Variants in CDH11 observed in about 807,000 individuals in gnomAD.
The protein encoded by CDH11 is cadherin-11.
Under a neutral mutation model 67.8 loss-of-function variants are expected in CDH11, and 11 were observed. That is an observed-to-expected ratio of 0.16 (90% CI 0.10 to 0.27). The LOEUF is 0.27. Among genes scored for constraint, CDH11 ranks in the 10% least tolerant of loss-of-function variants. The pLI is 1.00. For synonymous variants in CDH11, 419 were observed against 400.0 expected (o/e 1.05, Z -0.57); for missense variants, 847 against 1,031.2 (o/e 0.82, Z 2.45).
chr16:65,046,719 T>C (rs2073967714), intron 2 of CDH11, among the ~76,000 whole-genome samples: 1 of 152,190 alleles, frequency 6.6e-6, no homozygotes, highest in Admixed American at 6.5e-5. Flanking sequence ...TTGGGCAACT[T>C]TTCTGTAGGT....
intron 7 of CDH11, chr16:64,987,084 G>A (rs2072505982): frequency 6.6e-6 from 1 of 152,174 alleles, no homozygotes; most frequent in Non-Finnish European, 1.5e-5. Context: ...AGTTGAAAAT[G>A]AACGCTTGAT....
intron 2 of CDH11, among the ~76,000 whole-genome samples, chr16:65,012,391 T>C (rs1408411019): frequency 2.6e-5 from 4 of 152,148 alleles, no homozygotes; most frequent in Admixed American, 1.3e-4. Context: ...TCAGATTTCT[T>C]TGGGAACTTC....
At chr16:65,102,564 C>T (rs2142861558) in intron 1 of CDH11, among the ~76,000 whole-genome samples, 1 of 152,334 alleles carries the variant, frequency 6.6e-6, no homozygotes, top group East Asian at 1.9e-4. Context: ...AAGCATGATG[C>T]AAACAGAACC....
At chr16:65,122,885 T>C (rs2075358603), upstream of CDH11, among the ~76,000 whole-genome samples, 1 of 152,172 alleles carries the variant, frequency 6.6e-6, no homozygotes, top group Non-Finnish European at 1.5e-5. Context: ...CAGGTATCAG[T>C]GGCCCCCGCC....
intron 1 of CDH11, among the ~76,000 whole-genome samples, chr16:65,120,849 T>C (rs2075313948): frequency 6.6e-6 from 1 of 152,082 alleles, no homozygotes; most frequent in Non-Finnish European, 1.5e-5. Context: ...CCGACCCCAC[T>C]TTCTCTGGGG....
At chr16:64,954,186 G>A (rs140811003) in intron 11 of CDH11, among the ~76,000 whole-genome samples, 144 of 152,264 alleles carry the variant, frequency 9.5e-4, no homozygotes, top group African/African-American at 3.2e-3. Context: ...AAACCACTAC[G>A]TAAAAGCTCA....
At position 64,947,382 on chromosome 16, in the gene CDH11, G is replaced by T; in HGVS notation, c.*221C>A. ...CCAAGTGTTTTTTTTTTCTAGCGAA[G>T]TTGATAAACAACTTCAATATTTGCC... On this transcript the variant is annotated 3_prime_UTR_variant, in exon 13 of 13. Transcript: ENST00000268603. 1 of 1,285,830 alleles carries T rather than the reference G, an allele frequency of 7.8e-7. No individual in the cohort carries two copies. The highest frequency in any genetic ancestry group is 9.8e-7 in the Non-Finnish European group (1 of 1,016,606). 79.7% of individuals were successfully genotyped at this position (1,285,830 alleles called of 1,614,324 possible).
intron 2 of CDH11, among the ~76,000 whole-genome samples, chr16:65,035,697 G>T (rs995436523): frequency 7.9e-5 from 12 of 152,096 alleles, no homozygotes; most frequent in African/African-American, 2.9e-4. Flanking sequence ...TTTACAAAGG[G>T]CTTTCATGAA....
In CDH11 at chr16:64,947,554, CT is replaced by C; in HGVS notation, c.*48del. The C allele has an allele frequency of 6.4e-7, 1 of 1,550,682 alleles. No individual in the cohort carries two copies. Among genetic ancestry groups the C allele is most frequent in the African/African-American group, 1.4e-5 (1 of 72,474 alleles). ...TACCTGTTTACACATCTTCTAGATT[CT>C]TGAGAACGCCAGACACAGTTCTTAA... is the stretch of plus-strand genomic sequence containing the variant. On this transcript the variant is annotated 3_prime_UTR_variant, in exon 13 of 13. Coordinates refer to ENST00000268603, the MANE Select transcript of CDH11 (RefSeq NM_001797.4).
At chr16:65,112,585 G>A (rs1331163886) in intron 1 of CDH11, among the ~76,000 whole-genome samples, 3 of 152,028 alleles carry the variant, frequency 2.0e-5, no homozygotes, top group African/African-American at 7.2e-5. Context: ...GCCCAACCCA[G>A]GACCTTGCAT....
intron 1 of CDH11, chr16:65,118,880 C>T (rs775812762): frequency 2.0e-5 from 3 of 152,176 alleles, no homozygotes; most frequent in Non-Finnish European, 4.4e-5. Flanking sequence ...TCTCCAACAT[C>T]TACCTACATA....
intron 5 of CDH11, among the ~76,000 whole-genome samples, 198 bp from the exon 6 acceptor site, chr16:64,992,133 T>C (rs1282858551): frequency 3.3e-5 from 5 of 152,236 alleles, no homozygotes; most frequent in Non-Finnish European, 5.9e-5. Flanking sequence ...TAAAAATTAC[T>C]ATACAGCATT....
rs372527203 is a variant in CDH11, at chr16:64,950,807, G to T, written c.1854C>A (p.Gly618=). 9.3e-6 allele frequency: 15 copies of T among 1,614,020 alleles called. No individual in the cohort carries two copies. Among genetic ancestry groups the T allele is most frequent in the African/African-American group, 2.7e-5 (2 of 74,948 alleles). The change falls in exon 12 of 13, where the codon GGC becomes GGA. Residue 618 remains glycine (G), a synonymous_variant. Transcript: ENST00000268603. ...TGCAGGCGAGGATGGCGATCAGGGC[G>T]CCTGTGCTCAGGCCGGCGTTCAGAA... ...AYILNAGLST[G]ALIAILACIV...
intron 1 of CDH11, among the ~76,000 whole-genome samples, chr16:65,113,490 C>T (rs1222888426): frequency 6.6e-6 from 1 of 152,128 alleles, no homozygotes; most frequent in Non-Finnish European, 1.5e-5. Context: ...CTGCATACAT[C>T]TGATTCCTGA....
At chr16:65,065,641 GA>G (rs1289468678) in intron 1 of CDH11, among the ~76,000 whole-genome samples, 11 of 152,138 alleles carry the variant, frequency 7.2e-5, no homozygotes, top group Admixed American at 7.2e-4. Context: ...AAACATAGTG[GA>G]AAGATAATTA....
chr16:65,118,644 T>G (rs980475283), intron 1 of CDH11, among the ~76,000 whole-genome samples: 2 of 152,168 alleles, frequency 1.3e-5, no homozygotes, highest in Admixed American at 6.5e-5. Context: ...TTCAATCCCT[T>G]AAATCATTGG....
intron 8 of CDH11, among the ~76,000 whole-genome samples, chr16:64,980,170 GAAAT>G (rs2072293499): frequency 1.3e-5 from 2 of 151,950 alleles, no homozygotes; most frequent in Admixed American, 1.3e-4. Context: ...ACATCTTCAT[GAAAT>G]ATACTAAAAA....
intron 2 of CDH11, among the ~76,000 whole-genome samples, chr16:65,022,501 C>T (rs908919745): frequency 4.6e-5 from 7 of 152,146 alleles, no homozygotes; most frequent in Non-Finnish European, 4.4e-5. Context: ...ACAAGGATCT[C>T]CACTAAATAG....
At chr16:65,006,930 T>C (rs2073068094) in intron 2 of CDH11, 1 of 152,354 alleles carries the variant, frequency 6.6e-6, no homozygotes, top group Admixed American at 6.5e-5. Context: ...ACGTAAGATA[T>C]GACTTGCTCC....
Sources: gnomAD v4.1 joint callset for allele counts (sites outside exome capture counted in the v4.1 genomes callset) on GRCh38, gnomAD v4.1.1 for gene constraint, MANE v1.5 for transcripts, NCBI Gene and HGNC (gene_info 2026-07-23, HGNC 2026-07-21) for gene names.